Variants in THSD7B observed in about 807,000 individuals in gnomAD.
THSD7B encodes thrombospondin type-1 domain-containing protein 7B.
A neutral mutation model predicts 213.6 loss-of-function variants in THSD7B; 138 were observed. That is an observed-to-expected ratio of 0.65 (90% CI 0.56 to 0.74). The LOEUF is 0.74. Among genes scored for constraint, THSD7B ranks in the 30% least tolerant of loss-of-function variants. The pLI is 0.00. For missense variants in THSD7B, 1,931 were observed against 1,991.5 expected (o/e 0.97, Z 0.58); for synonymous variants, 742 against 687.0 (o/e 1.08, Z -1.25).
intron 17 of THSD7B, among the ~76,000 whole-genome samples, chr2:137,585,135 T>A (rs539082803): frequency 2.0e-5 from 3 of 152,330 alleles, no homozygotes; most frequent in Admixed American, 2.0e-4. Context: ...TAGAGGTGTT[T>A]ATAGTATTCT....
intron 15 of THSD7B, among the ~76,000 whole-genome samples, chr2:137,482,514 A>T (rs1350495384): frequency 6.6e-6 from 1 of 152,192 alleles, no homozygotes; most frequent in Non-Finnish European, 1.5e-5. Context: ...TTAATCATTG[A>T]AGCCCCTACT....
At chr2:137,329,516 C>T (rs1401027489) in intron 12 of THSD7B, among the ~76,000 whole-genome samples, 1 of 152,086 alleles carries the variant, frequency 6.6e-6, no homozygotes, top group Non-Finnish European at 1.5e-5. Flanking sequence ...TAGGTGCCTG[C>T]CACTATCCCC....
intron 1 of THSD7B, among the ~76,000 whole-genome samples, chr2:136,809,759 G>T (rs578050997): frequency 6.6e-6 from 1 of 152,278 alleles, no homozygotes; most frequent in African/African-American, 2.4e-5. Flanking sequence ...AAGGGGGAAA[G>T]CACAGAGACC....
chr2:137,240,507 C>G (rs1681876394), intron 9 of THSD7B, among the ~76,000 whole-genome samples: 1 of 151,964 alleles, frequency 6.6e-6, no homozygotes, highest in Non-Finnish European at 1.5e-5. Context: ...CTCACTCTCT[C>G]TCTCTCTGTT....
intron 16 of THSD7B, among the ~76,000 whole-genome samples, chr2:137,567,775 A>T (rs1681269907): frequency 6.6e-6 from 1 of 152,172 alleles, no homozygotes; most frequent in Non-Finnish European, 1.5e-5. Flanking sequence ...TAAAAATCAA[A>T]ATTAGCTTTT....
chr2:136,780,353 A>G (rs958586634), intron 1 of THSD7B, among the ~76,000 whole-genome samples: 31 of 152,168 alleles, frequency 2.0e-4, no homozygotes, highest in South Asian at 4.1e-4. Flanking sequence ...ATGTGCCCTC[A>G]TAGCCTAAGC....
chr2:137,532,398 T>C (rs941211814), intron 15 of THSD7B, among the ~76,000 whole-genome samples: 2 of 151,854 alleles, frequency 1.3e-5, no homozygotes, highest in African/African-American at 2.4e-5. Flanking sequence ...GGCAAAACTT[T>C]AGATTGAGAA....
intron 1 of THSD7B, among the ~76,000 whole-genome samples, chr2:136,845,170 G>T (rs1241985015): frequency 6.6e-6 from 1 of 152,182 alleles, no homozygotes; most frequent in Non-Finnish European, 1.5e-5. Context: ...CTCAGAAAAG[G>T]GAGAGACTGT....
intron 3 of THSD7B, among the ~76,000 whole-genome samples, chr2:137,060,197 A>T (rs572674481): frequency 1.2e-3 from 187 of 152,066 alleles, no homozygotes; most frequent in Non-Finnish European, 1.8e-3. Flanking sequence ...TGTTTTGTCT[A>T]TTTTTTAATT....
intron 15 of THSD7B, among the ~76,000 whole-genome samples, chr2:137,551,480 G>C (rs1332158764): frequency 6.6e-6 from 1 of 152,090 alleles, no homozygotes; most frequent in Non-Finnish European, 1.5e-5. Context: ...TTTAGGATGT[G>C]AAATGTTCAT....
chr2:137,028,362 A>AT (rs1445728592), intron 2 of THSD7B, among the ~76,000 whole-genome samples: 2 of 152,220 alleles, frequency 1.3e-5, no homozygotes, highest in Non-Finnish European at 2.9e-5. Context: ...TGTAGATAAA[A>AT]TTTCATAGGA....
intron 12 of THSD7B, among the ~76,000 whole-genome samples, chr2:137,351,371 C>T (rs1171255784): frequency 6.6e-6 from 1 of 151,872 alleles, no homozygotes; most frequent in East Asian, 1.9e-4. Context: ...TTCAGCAGGA[C>T]ACAATATTTC....
At chr2:137,163,407 A>G (rs1031533747) in intron 6 of THSD7B, among the ~76,000 whole-genome samples, 1 of 152,202 alleles carries the variant, frequency 6.6e-6, no homozygotes, top group Non-Finnish European at 1.5e-5. Context: ...TGTTCTTGCA[A>G]GAAGAGGAAA....
intron 2 of THSD7B, among the ~76,000 whole-genome samples, chr2:137,051,762 G>T (rs566394999): frequency 5.9e-5 from 9 of 152,266 alleles, no homozygotes; most frequent in Non-Finnish European, 1.2e-4. Context: ...TATTAAATCA[G>T]GGTTGCCACT....
At chr2:136,976,131 C>A (rs1444159720) in intron 2 of THSD7B, among the ~76,000 whole-genome samples, 1 of 152,182 alleles carries the variant, frequency 6.6e-6, no homozygotes, top group African/African-American at 2.4e-5. Flanking sequence ...CAAACAAAGA[C>A]AATTTGACTT....
intron 12 of THSD7B, among the ~76,000 whole-genome samples, chr2:137,383,345 G>A (rs557770782): frequency 6.6e-6 from 1 of 152,332 alleles, no homozygotes; most frequent in South Asian, 2.1e-4. Context: ...TATTACTGCT[G>A]TGGCCTCTGA....
rs1684774999 is a variant in THSD7B, at chr2:137,342,105, G to A, written c.2501-63508G>A. Among the ~76,000 whole-genome samples, 4 of 151,482 alleles carry A rather than the reference G, an allele frequency of 2.6e-5. No homozygotes were observed. The South Asian group carries it at 8.3e-4, about 31-fold the overall frequency. ...TTGGTAGATTACTTTGGGTAGTGTG[G>A]ACATTTTAACAATATTCTTTCAATC... On this transcript the variant is annotated intron_variant, in intron 12 of 27. Transcript: ENST00000409968.
At chr2:136,862,317 C>A (rs1560359) in intron 1 of THSD7B, among the ~76,000 whole-genome samples, 120,707 of 152,088 alleles carry the variant, frequency 0.79, 48,188 homozygotes, top group Middle Eastern at 0.94. Context: ...CTGCTCATAA[C>A]AGCATCAGCT....
At chr2:137,302,948 G>A (rs1683640988) in intron 12 of THSD7B, among the ~76,000 whole-genome samples, 2 of 152,138 alleles carry the variant, frequency 1.3e-5, no homozygotes, top group Admixed American at 6.5e-5. Context: ...AACTCGGTAT[G>A]TAGTTCTCAA....
Sources: gnomAD v4.1 joint callset for allele counts (sites outside exome capture counted in the v4.1 genomes callset) on GRCh38, gnomAD v4.1.1 for gene constraint, MANE v1.5 for transcripts, NCBI Gene and HGNC (gene_info 2026-07-23, HGNC 2026-07-21) for gene names.